PLCB4: variants seen among roughly 807,000 people sequenced by gnomAD.
PLCB4 encodes the protein phospholipase C beta 4.
A neutral mutation model predicts 178.8 loss-of-function variants in PLCB4; 77 were observed. The observed-to-expected ratio is 0.43, with a 90% CI of 0.36 to 0.52. PLCB4 has a LOEUF of 0.52. PLCB4 is among the 20% of genes least tolerant of loss of function. The pLI is 0.00. For missense variants in PLCB4, 1,024 were observed against 1,453.4 expected, an observed-to-expected ratio of 0.70 and a Z score of 4.80; for synonymous variants, 496 against 490.8, an observed-to-expected ratio of 1.01 and a Z score of -0.14.
At chr20:9,195,223 T>G (rs898236207) in intron 2 of PLCB4, among the ~76,000 whole-genome samples, 14 of 152,238 alleles carry the variant, frequency 9.2e-5, no homozygotes, top group African/African-American at 3.1e-4. Flanking sequence ...CACACTTTAA[T>G]GTGGATATGA....
chr20:9,315,430 C>T (rs910792631), intron 4 of PLCB4, among the ~76,000 whole-genome samples: 5 of 152,082 alleles, frequency 3.3e-5, no homozygotes, highest in Non-Finnish European at 7.4e-5. Flanking sequence ...TATGGTCCAG[C>T]GGCAGGAGAC....
chr20:9,218,689 G>A (rs1016716732), intron 3 of PLCB4, among the ~76,000 whole-genome samples: 1 of 152,142 alleles, frequency 6.6e-6, no homozygotes, highest in Non-Finnish European at 1.5e-5. Context: ...AGGAAGAATC[G>A]CACAACCTGA....
At position 9,395,625 on chromosome 20, in the gene PLCB4, T is replaced by C; in HGVS notation, c.1510+7T>C. On this transcript the variant is annotated splice_region_variant and intron_variant, in intron 19 of 39. Coordinates refer to ENST00000378473, the MANE Select transcript of PLCB4 (RefSeq NM_001377142.1). Reference sequence around the variant, plus strand: ...GAAGAGGAGATCGAAAGTGGTGAGCTGTTTGCTTTTATTTTAAGTTACATG... The same window carrying C: ...GAAGAGGAGATCGAAAGTGGTGAGCCGTTTGCTTTTATTTTAAGTTACATG... The C allele has an allele frequency of 1.3e-6, 2 of 1,582,662 alleles. No homozygotes were observed. Among genetic ancestry groups the C allele is most frequent in the Non-Finnish European group, 8.7e-7 (1 of 1,152,584 alleles).
Position 9,069,211 on chromosome 20 carries a change from G to A in PLCB4, c.-135+5G>A, listed in dbSNP as rs934267777. 1 of 152,860 alleles carries A rather than the reference G, an allele frequency of 6.5e-6. No individual in the cohort carries two copies. Among genetic ancestry groups the A allele is most frequent in the Non-Finnish European group, 1.5e-5 (1 of 68,246 alleles). 9.5% of individuals were successfully genotyped at this position (152,860 alleles called of 1,614,324 possible). On this transcript the variant is annotated splice_donor_5th_base_variant and intron_variant, in intron 1 of 39. Coordinates refer to ENST00000378473, the MANE Select transcript of PLCB4 (RefSeq NM_001377142.1). Reference sequence around the variant, plus strand: ...CAGCTCCAGGCAAAGTGACAGGTAGGAAAAGGCATTTCGGGTCCCGCCCGA... The same window carrying A: ...CAGCTCCAGGCAAAGTGACAGGTAGAAAAAGGCATTTCGGGTCCCGCCCGA...
chr20:9,161,265 A>G (rs2092883412), intron 2 of PLCB4, among the ~76,000 whole-genome samples: 2 of 152,348 alleles, frequency 1.3e-5, no homozygotes, highest in African/African-American at 2.4e-5. Flanking sequence ...CCACATGTTA[A>G]GTAATCCCTT....
Position 9,390,147 on chromosome 20 carries a change from C to CA in PLCB4, c.1238+195dup, listed in dbSNP as rs144208546. On this transcript the variant is annotated intron_variant, in intron 16 of 39. Coordinates refer to ENST00000378473, the MANE Select transcript of PLCB4 (RefSeq NM_001377142.1). ...AAACAACAAAAAAAGGAAAAAACGA[C>CA]AAAAAACCACCCTTGTCCCCCCAAA... Among the ~76,000 whole-genome samples, 67 of 152,246 alleles carry CA rather than the reference C, an allele frequency of 4.4e-4. No individual in the cohort carries two copies. In the South Asian group the frequency reaches 5.8e-3, roughly 13 times the overall value.
At chr20:9,406,752 C>T (rs928505958) in intron 21 of PLCB4, among the ~76,000 whole-genome samples, 8 of 152,152 alleles carry the variant, frequency 5.3e-5, no homozygotes, top group Non-Finnish European at 1.0e-4. Flanking sequence ...GCCTCAGCCT[C>T]CCAAAGTGCT....
chr20:9,316,521 G>A (rs540291184), intron 4 of PLCB4, among the ~76,000 whole-genome samples: 80 of 152,282 alleles, frequency 5.3e-4, no homozygotes, highest in African/African-American at 1.9e-3. Context: ...TGAGCTAGAG[G>A]CTTAATCCTT....
chr20:9,393,966 G>T (rs769311), intron 18 of PLCB4, among the ~76,000 whole-genome samples: 41,138 of 152,020 alleles, frequency 0.27, 5,796 homozygotes, highest in East Asian at 0.4. Context: ...AATTTCTCAA[G>T]ATATAAGGAA....
chr20:9,161,742 A>G (rs1281551457), intron 2 of PLCB4, among the ~76,000 whole-genome samples: 1 of 152,200 alleles, frequency 6.6e-6, no homozygotes, highest in Admixed American at 6.5e-5. Flanking sequence ...AAAATAACTT[A>G]TGAAGCATTT....
At chr20:9,459,431 C>G (rs2043255910) in intron 34 of PLCB4, among the ~76,000 whole-genome samples, 1 of 152,138 alleles carries the variant, frequency 6.6e-6, no homozygotes, top group Non-Finnish European at 1.5e-5. Context: ...TATTCAGAGC[C>G]AAAGCAATTG....
chr20:9,314,502 G>A (rs939548306), intron 4 of PLCB4, among the ~76,000 whole-genome samples: 37 of 152,164 alleles, frequency 2.4e-4, no homozygotes, highest in African/African-American at 6.8e-4. Context: ...ACGGGAACTG[G>A]ACAGCTCTGA....
intron 32 of PLCB4, among the ~76,000 whole-genome samples, chr20:9,453,126 T>C (rs773800587): frequency 7.2e-5 from 11 of 152,190 alleles, no homozygotes; most frequent in Non-Finnish European, 1.3e-4. Context: ...GAACTGGGCA[T>C]GTTCACTAGA....
At chr20:9,097,150 A>G (rs947504161) in intron 2 of PLCB4, among the ~76,000 whole-genome samples, 1 of 147,156 alleles carries the variant, frequency 6.8e-6, no homozygotes, top group Non-Finnish European at 1.5e-5. Context: ...GGCCAGGCTG[A>G]TCTCGAACTC....
At chr20:9,392,754 A>G (rs1483024947) in intron 17 of PLCB4, among the ~76,000 whole-genome samples, 1 of 152,180 alleles carries the variant, frequency 6.6e-6, no homozygotes, top group Non-Finnish European at 1.5e-5. Flanking sequence ...TCACTGGGGA[A>G]TGGGCCAGTT....
chr20:9,263,063 C>T (rs530533029), intron 3 of PLCB4, among the ~76,000 whole-genome samples: 1 of 152,264 alleles, frequency 6.6e-6, no homozygotes, highest in East Asian at 1.9e-4. Flanking sequence ...TATTTACATG[C>T]CTATTTCAGG....
At chr20:9,267,325 T>C (rs1448349625) in intron 3 of PLCB4, among the ~76,000 whole-genome samples, 1 of 152,210 alleles carries the variant, frequency 6.6e-6, no homozygotes, top group African/African-American at 2.4e-5. Context: ...ACATTTGCTG[T>C]GTGTGCCTTC....
chr20:9,468,534 C>A, intron 35 of PLCB4, 37 bp from the exon 36 acceptor site: 2 of 1,240,496 alleles, frequency 1.6e-6, no homozygotes, highest in Non-Finnish European at 2.4e-6. Flanking sequence ...ACTCTCCATC[C>A]CCCCTCCCTG....
chr20:9,075,551 G>A (rs2089816364), intron 1 of PLCB4, among the ~76,000 whole-genome samples: 1 of 152,228 alleles, frequency 6.6e-6, no homozygotes, highest in African/African-American at 2.4e-5. Flanking sequence ...TGGTTTTAAT[G>A]AGGGTGTGGT....
Sources: allele counts gnomAD v4.1 joint callset (sites outside exome capture counted in the v4.1 genomes callset), GRCh38; gene constraint gnomAD v4.1.1; transcripts MANE v1.5; gene names NCBI Gene and HGNC (gene_info 2026-07-23, HGNC 2026-07-21).